The following NRG3 variants were observed in gnomAD, a reference collection of about 807,000 sequenced individuals.
The protein encoded by NRG3 is neuregulin 3.
In NRG3, 31 loss-of-function variants were observed where a neutral mutation model predicts 66.9. That is an observed-to-expected ratio of 0.46 (90% CI 0.35 to 0.63). The LOEUF is 0.63. NRG3 is among the 20% of genes least tolerant of loss of function. NRG3 has a pLI of 0.00. For synonymous variants in NRG3, 393 were observed against 359.4 expected, an observed-to-expected ratio of 1.09 and a Z score of -1.06; for missense variants, 910 against 878.9, an observed-to-expected ratio of 1.04 and a Z score of -0.45.
intron 2 of NRG3, among the ~76,000 whole-genome samples, chr10:82,470,070 G>A (rs1030078484): frequency 2.0e-5 from 3 of 152,118 alleles, no homozygotes; most frequent in African/African-American, 7.2e-5. Context: ...TGTCAGGTGG[G>A]AGCCCTCCCT....
At chr10:82,263,742 A>T (rs920975704) in intron 1 of NRG3, among the ~76,000 whole-genome samples, 1 of 152,166 alleles carries the variant, frequency 6.6e-6, no homozygotes, top group African/African-American at 2.4e-5. Context: ...AAGGGATGAC[A>T]TGTAGCCATT....
At chr10:82,891,835 A>C (rs1363193969) in intron 4 of NRG3, among the ~76,000 whole-genome samples, 1 of 152,002 alleles carries the variant, frequency 6.6e-6, no homozygotes, top group African/African-American at 2.4e-5. Flanking sequence ...AGCAGGTTTA[A>C]TTTTCTTATT....
At chr10:81,962,284 C>T (rs988577778) in intron 1 of NRG3, among the ~76,000 whole-genome samples, 4 of 152,194 alleles carry the variant, frequency 2.6e-5, no homozygotes, top group Non-Finnish European at 5.9e-5. Context: ...TATAAAATAT[C>T]ACACTGGGCC....
chr10:82,883,437 A>G (rs1842465905), intron 4 of NRG3, among the ~76,000 whole-genome samples: 1 of 152,156 alleles, frequency 6.6e-6, no homozygotes, highest in Admixed American at 6.5e-5. Context: ...CCTGGAATTT[A>G]ATCTTTGCTC....
chr10:82,452,362 A>C (rs1473012529), intron 2 of NRG3, among the ~76,000 whole-genome samples: 2 of 152,198 alleles, frequency 1.3e-5, no homozygotes, highest in Admixed American at 1.3e-4. Context: ...TCAGAACTCC[A>C]TGAGCTTTCA....
chr10:82,501,967 T>C (rs1251657400), intron 2 of NRG3, among the ~76,000 whole-genome samples: 1 of 152,018 alleles, frequency 6.6e-6, no homozygotes, highest in Non-Finnish European at 1.5e-5. Context: ...GCACATAACA[T>C]AGGAGCCGCT....
intron 1 of NRG3, among the ~76,000 whole-genome samples, chr10:82,105,120 T>C (rs1564567171): frequency 6.6e-6 from 1 of 152,122 alleles, no homozygotes; most frequent in Non-Finnish European, 1.5e-5. Flanking sequence ...TAGAAAAACG[T>C]GAATTCAATG....
Position 81,875,329 on chromosome 10 carries a change from C to G in NRG3, c.-12C>G, listed in dbSNP as rs1169677488. The G allele has an allele frequency of 1.0e-6, 1 of 986,254 alleles. No individual in the cohort carries two copies. The highest frequency in any genetic ancestry group is 4.5e-5 in the South Asian group (1 of 22,106). The allele number at this position is 986,254 out of a possible 1,614,324, so 61.1% of individuals were successfully genotyped here. A position where few individuals can be genotyped will look rare whatever the true frequency, so the allele number is the denominator to read the frequency against. On this transcript the variant is annotated 5_prime_UTR_variant, in exon 1 of 9. Transcript: ENST00000372141. This position sits in a 1 kb window ranked among gnomAD's most constrained non-coding sequence, Gnocchi z 5.3. Reference sequence around the variant, plus strand: ...GCCCTCGGGGGGGCGAAGGTGAAGACCGGCTCCTAGGATGAGTGAAGGGGC... The same window carrying G: ...GCCCTCGGGGGGGCGAAGGTGAAGAGCGGCTCCTAGGATGAGTGAAGGGGC...
chr10:82,116,022 C>T (rs78165202), intron 1 of NRG3, among the ~76,000 whole-genome samples: 4,193 of 152,232 alleles, frequency 0.028, 159 homozygotes, highest in East Asian at 0.19. Context: ...TGTCAGCAGG[C>T]ACCTTTAACC....
At chr10:82,077,144 G>T (rs943538029) in intron 1 of NRG3, among the ~76,000 whole-genome samples, 1 of 152,262 alleles carries the variant, frequency 6.6e-6, no homozygotes, top group Non-Finnish European at 1.5e-5. Context: ...TTTAGAGCCA[G>T]CATGAACACA....
intron 1 of NRG3, among the ~76,000 whole-genome samples, chr10:81,989,763 G>A (rs2060664974): frequency 2.0e-5 from 3 of 152,096 alleles, no homozygotes; most frequent in East Asian, 3.9e-4. Flanking sequence ...AAGATGAGAA[G>A]TGAGAACTTT....
chr10:82,306,965 C>A (rs2080773141), intron 1 of NRG3, among the ~76,000 whole-genome samples: 1 of 151,912 alleles, frequency 6.6e-6, no homozygotes, highest in Non-Finnish European at 1.5e-5. Flanking sequence ...TTTTAATTTG[C>A]AATTTCCTCT....
chr10:82,390,414 G>A (rs893581201), intron 2 of NRG3, among the ~76,000 whole-genome samples: 2 of 152,030 alleles, frequency 1.3e-5, no homozygotes, highest in African/African-American at 4.8e-5. Flanking sequence ...AGGTGAAAGA[G>A]TATTCTCAGG....
chr10:82,589,736 T>C (rs1478091524), intron 2 of NRG3, among the ~76,000 whole-genome samples: 1 of 152,198 alleles, frequency 6.6e-6, no homozygotes, highest in African/African-American at 2.4e-5. Flanking sequence ...AATATTATCT[T>C]CTGCACTCAC....
intron 2 of NRG3, among the ~76,000 whole-genome samples, chr10:82,674,937 A>ATTTATTTATTTATT (rs530269286): frequency 7.0e-6 from 1 of 143,656 alleles, no homozygotes; most frequent in African/African-American, 2.6e-5. Context: ...GGTTTTATTT[A>ATTTATTTATTTATT]TATTTATTTA....
chr10:82,809,267 G>C lies in NRG3; in HGVS notation c.1028-56144G>C, dbSNP rs111386281. On this transcript the variant is annotated intron_variant, in intron 3 of 8. Coordinates refer to ENST00000372141, the MANE Select transcript of NRG3 (RefSeq NM_001010848.4). ...GAGAAAAAAAATGATGAGTCTCAGG[G>C]CATATTAAACAAAGTAGAAGATATG... Among the ~76,000 whole-genome samples, 330 of 152,012 alleles carry C rather than the reference G, an allele frequency of 2.2e-3. 3 individuals are homozygous for C. The highest frequency in any genetic ancestry group is 7.6e-3 in the African/African-American group (316 of 41,444).
At chr10:82,439,754 T>A (rs2090336207) in intron 2 of NRG3, among the ~76,000 whole-genome samples, 1 of 151,990 alleles carries the variant, frequency 6.6e-6, no homozygotes, top group Non-Finnish European at 1.5e-5. Context: ...ATAAAATTAA[T>A]TTGGTCATGG....
At chr10:82,773,822 A>G (rs192459247) in intron 3 of NRG3, among the ~76,000 whole-genome samples, 1 of 152,316 alleles carries the variant, frequency 6.6e-6, no homozygotes, top group Admixed American at 6.5e-5. Context: ...CCTATTGATT[A>G]TAATGTTAGC....
intron 2 of NRG3, among the ~76,000 whole-genome samples, chr10:82,664,846 G>A (rs1423744118): frequency 6.6e-6 from 1 of 152,022 alleles, no homozygotes; most frequent in Non-Finnish European, 1.5e-5. Flanking sequence ...CCAGAAATCA[G>A]TGACAAAGGA....
Sources: allele counts gnomAD v4.1 joint callset (sites outside exome capture counted in the v4.1 genomes callset), GRCh38; gene constraint gnomAD v4.1.1; non-coding constraint Gnocchi (gnomAD v3.1); transcripts MANE v1.5; gene names NCBI Gene and HGNC (gene_info 2026-07-23, HGNC 2026-07-21).